GALNTL6: variants seen among roughly 807,000 people sequenced by gnomAD.
The protein encoded by GALNTL6 is polypeptide N-acetylgalactosaminyltransferase-like 6.
A neutral mutation model predicts 73.7 loss-of-function variants in GALNTL6; 46 were observed. The observed-to-expected ratio is 0.62, with a 90% CI of 0.49 to 0.80. The LOEUF is 0.80. GALNTL6 is among the 30% of genes least tolerant of loss of function. The pLI is 0.00. For missense variants in GALNTL6, 604 were observed against 755.0 expected (o/e 0.80, Z 2.34); for synonymous variants, 259 against 263.7 (o/e 0.98, Z 0.17).
chr4:172,752,233 T>C (rs1737467862), intron 5 of GALNTL6, among the ~76,000 whole-genome samples: 1 of 152,014 alleles, frequency 6.6e-6, no homozygotes, highest in African/African-American at 2.4e-5. Flanking sequence ...CAACTAATTA[T>C]CAGGAAATTC....
intron 2 of GALNTL6, among the ~76,000 whole-genome samples, chr4:171,983,157 G>A (rs1033156242): frequency 5.9e-5 from 9 of 152,156 alleles, no homozygotes; most frequent in Non-Finnish European, 1.2e-4. Flanking sequence ...TTTTAGGCCT[G>A]CCTTAGTCAC....
At chr4:172,636,248 A>C (rs373914458) in intron 5 of GALNTL6, among the ~76,000 whole-genome samples, 2 of 152,360 alleles carry the variant, frequency 1.3e-5, no homozygotes, top group East Asian at 3.9e-4. Context: ...AAATAATGAC[A>C]TGTCATTGTT....
chr4:172,186,606 C>T (rs1735422488), intron 2 of GALNTL6, among the ~76,000 whole-genome samples: 1 of 152,026 alleles, frequency 6.6e-6, no homozygotes, highest in Non-Finnish European at 1.5e-5. Context: ...CAGATACATG[C>T]TACAATGTGT....
intron 5 of GALNTL6, among the ~76,000 whole-genome samples, chr4:172,720,586 T>C (rs190375101): frequency 6.6e-6 from 1 of 152,300 alleles, no homozygotes; most frequent in East Asian, 1.9e-4. Context: ...CAAGGATTTT[T>C]CCCCTGGAAC....
At chr4:172,760,132 G>A (rs1046305333) in intron 5 of GALNTL6, among the ~76,000 whole-genome samples, 8 of 151,666 alleles carry the variant, frequency 5.3e-5, no homozygotes, top group South Asian at 2.1e-4. Flanking sequence ...CACCGCGCCC[G>A]GCCACCACAC....
intron 2 of GALNTL6, among the ~76,000 whole-genome samples, chr4:172,226,391 G>T (rs1736867799): frequency 6.6e-6 from 1 of 152,102 alleles, no homozygotes; most frequent in African/African-American, 2.4e-5. Context: ...CAAACAACCT[G>T]CTATGATTAG....
intron 7 of GALNTL6, among the ~76,000 whole-genome samples, chr4:172,828,895 C>T (rs181760314): frequency 2.4e-4 from 37 of 152,280 alleles, no homozygotes; most frequent in African/African-American, 7.9e-4. Context: ...AACTGAGAGG[C>T]TTGAAGTAAG....
chr4:172,950,551 A>G lies in GALNTL6; in HGVS notation c.1150-1486A>G, dbSNP rs76035756. 5.9e-3 allele frequency among the ~76,000 whole-genome samples: 891 copies of G among 152,306 alleles called. 9 individuals are homozygous for G. Among genetic ancestry groups the G allele is most frequent in the African/African-American group, 0.02 (835 of 41,552 alleles). On this transcript the variant is annotated intron_variant, in intron 9 of 12. Coordinates refer to ENST00000506823, the MANE Select transcript of GALNTL6 (RefSeq NM_001034845.3). Reference sequence around the variant, plus strand: ...GAGCAGGGACAAGGTCAGACAGGAGAGACCTGCTGGGAGACACTGAACACA... The same window carrying G: ...GAGCAGGGACAAGGTCAGACAGGAGGGACCTGCTGGGAGACACTGAACACA...
intron 8 of GALNTL6, among the ~76,000 whole-genome samples, chr4:172,908,302 AAAATAT>A (rs1174505335): frequency 1.3e-5 from 2 of 152,230 alleles, no homozygotes; most frequent in Non-Finnish European, 2.9e-5. Flanking sequence ...TAGCATGATT[AAAATAT>A]AAATATGTGT....
intron 2 of GALNTL6, among the ~76,000 whole-genome samples, chr4:172,057,593 G>A (rs1206553446): frequency 1.3e-5 from 2 of 149,840 alleles, no homozygotes; most frequent in African/African-American, 4.9e-5. Flanking sequence ...TGTAGTCCCA[G>A]CTACTCCAGA....
At chr4:172,652,439 C>T (rs1206266215) in intron 5 of GALNTL6, among the ~76,000 whole-genome samples, 1 of 152,162 alleles carries the variant, frequency 6.6e-6, no homozygotes, top group Non-Finnish European at 1.5e-5. Context: ...AGATCATGTG[C>T]TGGTGTCCTG....
intron 5 of GALNTL6, among the ~76,000 whole-genome samples, chr4:172,391,572 C>T (rs1348989149): frequency 6.6e-6 from 1 of 152,092 alleles, no homozygotes; most frequent in African/African-American, 2.4e-5. Context: ...ACTTGATTAC[C>T]TCTTAAAGGC....
chr4:171,838,866 A>G (rs77636040), intron 2 of GALNTL6, among the ~76,000 whole-genome samples: 3 of 152,196 alleles, frequency 2.0e-5, no homozygotes, highest in Non-Finnish European at 4.4e-5. Context: ...TAAAGGAAAC[A>G]CAAGGACGGT....
chr4:172,223,410 G>A (rs1294199068), intron 2 of GALNTL6, among the ~76,000 whole-genome samples: 2 of 152,048 alleles, frequency 1.3e-5, no homozygotes, highest in Non-Finnish European at 2.9e-5. Flanking sequence ...ACTGAGGAAG[G>A]AAAGAGATAT....
chr4:172,263,515 A>G (rs1179814711), intron 3 of GALNTL6, among the ~76,000 whole-genome samples: 1 of 151,116 alleles, frequency 6.6e-6, no homozygotes, highest in East Asian at 1.9e-4. Context: ...ACTTTCATCC[A>G]TATCCTGTAT....
At chr4:172,769,271 TA>T (rs1041519198) in intron 5 of GALNTL6, among the ~76,000 whole-genome samples, 4 of 151,838 alleles carry the variant, frequency 2.6e-5, no homozygotes, top group Admixed American at 6.6e-5. Context: ...CTTGAGGTTT[TA>T]AAAAAAAGAT....
intron 5 of GALNTL6, among the ~76,000 whole-genome samples, chr4:172,655,731 A>G (rs1487337999): frequency 6.6e-6 from 1 of 152,224 alleles, no homozygotes; most frequent in Non-Finnish European, 1.5e-5. Flanking sequence ...TTGATTCCCA[A>G]AACATATTTT....
chr4:171,900,163 T>C (rs1368643784), intron 2 of GALNTL6, among the ~76,000 whole-genome samples: 2 of 152,174 alleles, frequency 1.3e-5, no homozygotes, highest in African/African-American at 4.8e-5. Flanking sequence ...GAAAATTGTA[T>C]TATAAAAAAG....
intron 5 of GALNTL6, among the ~76,000 whole-genome samples, chr4:172,724,833 CT>C (rs777623282): frequency 9.9e-5 from 15 of 152,082 alleles, no homozygotes; most frequent in Non-Finnish European, 2.1e-4. Flanking sequence ...CTCAAGGAAT[CT>C]GGGATTCAAG....
Sources: gnomAD v4.1 joint callset for allele counts (sites outside exome capture counted in the v4.1 genomes callset) on GRCh38, gnomAD v4.1.1 for gene constraint, MANE v1.5 for transcripts, NCBI Gene and HGNC (gene_info 2026-07-23, HGNC 2026-07-21) for gene names.